DGKG: variants seen among roughly 807,000 people sequenced by gnomAD.
DGKG encodes the protein DAG kinase gamma.
DGKG carries 78 observed loss-of-function variants against 105.3 expected under a neutral mutation model. The ratio of observed to expected loss-of-function variants is 0.74; its 90% CI spans 0.62 to 0.89. The LOEUF (loss-of-function observed/expected upper bound fraction) is 0.89, where lower values mean the gene tolerates loss of function less well. DGKG is among the 40% of genes least tolerant of loss of function. The probability of loss-of-function intolerance (pLI) is 0.00; values close to 1 mark genes in which losing one functional copy is unlikely to be tolerated. For missense variants in DGKG, 958 were observed against 1,020.1 expected (o/e 0.94, Z 0.83); for synonymous variants, 346 against 367.1 (o/e 0.94, Z 0.66).
intron 20 of DGKG, among the ~76,000 whole-genome samples, chr3:186,214,832 G>C (rs1719199847): frequency 6.6e-6 from 1 of 152,250 alleles, no homozygotes; most frequent in Non-Finnish European, 1.5e-5. Context: ...ATCTGGAAAA[G>C]ACAGACAGGA....
chr3:186,270,046 C>A (rs1470158108), intron 11 of DGKG, among the ~76,000 whole-genome samples: 3 of 152,172 alleles, frequency 2.0e-5, no homozygotes, highest in African/African-American at 7.2e-5. Flanking sequence ...GGGGGACATA[C>A]CCTGAAGTGC....
At chr3:186,313,103 G>A (rs1009688963) in intron 2 of DGKG, among the ~76,000 whole-genome samples, 4 of 152,226 alleles carry the variant, frequency 2.6e-5, no homozygotes, top group Non-Finnish European at 4.4e-5. Flanking sequence ...GTAGACTAGT[G>A]GTTATCAACC....
chr3:186,263,861 C>T (rs774555666), intron 14 of DGKG, among the ~76,000 whole-genome samples: 1 of 152,196 alleles, frequency 6.6e-6, no homozygotes, highest in South Asian at 2.1e-4. Flanking sequence ...TATTCAATAT[C>T]TAATGCCTGC....
intron 24 of DGKG, among the ~76,000 whole-genome samples, chr3:186,152,559 G>A (rs1249611442): frequency 3.3e-5 from 5 of 152,196 alleles, no homozygotes; most frequent in African/African-American, 4.8e-5. Context: ...AACACACTGT[G>A]GAAGTACTGA....
intron 14 of DGKG, among the ~76,000 whole-genome samples, chr3:186,262,525 C>A (rs1721825070): frequency 6.6e-6 from 1 of 152,214 alleles, no homozygotes; most frequent in African/African-American, 2.4e-5. Context: ...CTTCCCAGGA[C>A]ACCAGGTCAG....
At chr3:186,307,899 T>C (rs1368417477) in intron 2 of DGKG, among the ~76,000 whole-genome samples, 1 of 144,106 alleles carries the variant, frequency 6.9e-6, no homozygotes, top group Non-Finnish European at 1.5e-5. Context: ...TTTTTTTACC[T>C]GATTTTTATT....
In DGKG at chr3:186,284,236, A is replaced by G. The variant is rs1722955545; in HGVS notation, c.594+424T>C. Among the ~76,000 whole-genome samples, 1 of 152,028 alleles carries G rather than the reference A, an allele frequency of 6.6e-6. No homozygotes were observed. Among genetic ancestry groups the G allele is most frequent in the South Asian group, 2.1e-4 (1 of 4,818 alleles). Reference sequence around the variant, plus strand: ...CCTTCCTCTGAAATCAGCAGTAACCAGCAGCCTCCTTCCTTGCACATCAAC... The same window carrying G: ...CCTTCCTCTGAAATCAGCAGTAACCGGCAGCCTCCTTCCTTGCACATCAAC... On this transcript the variant is annotated intron_variant, in intron 7 of 24. Coordinates refer to ENST00000265022, the MANE Select transcript of DGKG (RefSeq NM_001346.3). This position sits in a 1 kb window ranked among gnomAD's most constrained non-coding sequence, Gnocchi z 4.0.
chr3:186,241,072 G>A (rs1052063397), intron 20 of DGKG, among the ~76,000 whole-genome samples: 6 of 152,086 alleles, frequency 3.9e-5, no homozygotes, highest in African/African-American at 1.2e-4. Context: ...TAAAAGGTTC[G>A]TTCAGCTGCT....
intron 23 of DGKG, among the ~76,000 whole-genome samples, chr3:186,162,418 G>C (rs1307904121): frequency 6.6e-6 from 1 of 152,210 alleles, no homozygotes; most frequent in Non-Finnish European, 1.5e-5. Flanking sequence ...GAATTGGCCT[G>C]GTCTCTATGT....
intron 20 of DGKG, among the ~76,000 whole-genome samples, chr3:186,213,510 T>G (rs1218999387): frequency 6.6e-6 from 1 of 152,222 alleles, no homozygotes; most frequent in Non-Finnish European, 1.5e-5. Context: ...CTTGGGGATT[T>G]TATGAAGATG....
At chr3:186,271,018 A>G (rs1001753679) in intron 11 of DGKG, among the ~76,000 whole-genome samples, 1 of 152,168 alleles carries the variant, frequency 6.6e-6, no homozygotes, top group African/African-American at 2.4e-5. Context: ...GAAGGCGTGG[A>G]CGAGAGACCA....
chr3:186,356,276 C>A (rs1237479028), intron 1 of DGKG, among the ~76,000 whole-genome samples: 4 of 152,112 alleles, frequency 2.6e-5, no homozygotes, highest in African/African-American at 9.7e-5. Context: ...TCAGAGATGG[C>A]AGGAAGCTGG....
At chr3:186,238,908 T>A (rs781051140) in intron 20 of DGKG, among the ~76,000 whole-genome samples, 1 of 152,164 alleles carries the variant, frequency 6.6e-6, no homozygotes, top group Non-Finnish European at 1.5e-5. Context: ...AACCCCAACA[T>A]TTGAGTCATA....
chr3:186,216,131 T>A (rs1474559862), intron 20 of DGKG, among the ~76,000 whole-genome samples: 1 of 152,016 alleles, frequency 6.6e-6, no homozygotes, highest in African/African-American at 2.4e-5. Flanking sequence ...CCTGAGTAGC[T>A]GGGATTACAG....
chr3:186,300,825 G>A (rs1015910550), intron 3 of DGKG, among the ~76,000 whole-genome samples: 1 of 152,212 alleles, frequency 6.6e-6, no homozygotes, highest in Admixed American at 6.5e-5. Context: ...AACAAGATCA[G>A]CATGAGATTC....
intron 24 of DGKG, chr3:186,160,348 G>T (rs1560075602): frequency 3.0e-6 from 3 of 985,096 alleles, no homozygotes; most frequent in Middle Eastern, 1.0e-3. Flanking sequence ...TTTTTGTAGG[G>T]GGGTTGGAGA....
intron 2 of DGKG, among the ~76,000 whole-genome samples, chr3:186,312,523 A>G (rs759681): frequency 0.012 from 1,837 of 152,292 alleles, 32 homozygotes; most frequent in African/African-American, 0.041. Context: ...GTCACAACCC[A>G]GAAAAGACCA....
chr3:186,190,204 C>T (rs1000936637), intron 21 of DGKG, among the ~76,000 whole-genome samples: 4 of 152,190 alleles, frequency 2.6e-5, no homozygotes, highest in Non-Finnish European at 5.9e-5. Context: ...CTCCCTCTCA[C>T]ACTACTACCA....
At chr3:186,337,901 G>C (rs1725903775) in intron 1 of DGKG, among the ~76,000 whole-genome samples, 1 of 152,048 alleles carries the variant, frequency 6.6e-6, no homozygotes, top group Admixed American at 6.6e-5. Context: ...TGGGCACAGT[G>C]GCTCATGCCT....
Sources: gnomAD v4.1 joint callset for allele counts (sites outside exome capture counted in the v4.1 genomes callset) on GRCh38, gnomAD v4.1.1 for gene constraint, Gnocchi (gnomAD v3.1) non-coding constraint, MANE v1.5 for transcripts, NCBI Gene and HGNC (gene_info 2026-07-23, HGNC 2026-07-21) for gene names.